Variants in HAO2 observed in about 807,000 individuals in gnomAD.
HAO2 encodes hydroxyacid oxidase 2, also known as 2-Hydroxyacid oxidase 2.
HAO2 carries 42 observed loss-of-function variants against 37.4 expected under a neutral mutation model. The observed-to-expected ratio is 1.12, with a 90% CI of 0.88 to 1.45. The LOEUF (loss-of-function observed/expected upper bound fraction) is 1.45, where lower values mean the gene tolerates loss of function less well. Ranked by LOEUF, HAO2 falls within the 40% of genes most tolerant of loss-of-function variation. The pLI is 0.00. For synonymous variants in HAO2, 180 were observed against 162.8 expected (o/e 1.11, Z -0.81); for missense variants, 476 against 430.2 (o/e 1.11, Z -0.94).
chr1:119,381,181 C>T lies in HAO2; in HGVS notation c.96C>T (p.Ser32=). 6.2e-7 allele frequency: 1 copy of T among 1,610,340 alleles called. No homozygotes were observed. The change falls in exon 2 of 8, where the codon AGC becomes AGT. Residue 32 remains serine, a synonymous_variant. Transcript: ENST00000325945. ...TTATTGAAGGTGGAGCAGATGACAG[C>T]ATCACGCGGGATGACAACATTGCAG... ...RDFIEGGADD[S]ITRDDNIAAF...
At chr1:119,389,003 C>A (rs1650606396) in intron 5 of HAO2, among the ~76,000 whole-genome samples, 3 of 149,914 alleles carry the variant, frequency 2.0e-5, no homozygotes, top group Middle Eastern at 3.4e-3. Flanking sequence ...TTAGCTCCCA[C>A]TTATGAGTGA....
intron 1 of HAO2, among the ~76,000 whole-genome samples, chr1:119,375,107 T>G (rs1157681522): frequency 1.3e-5 from 2 of 152,174 alleles, no homozygotes; most frequent in Non-Finnish European, 2.9e-5. Flanking sequence ...CCTCTGTCTC[T>G]TCTTCTTGGG....
intron 4 of HAO2, chr1:119,386,030 GA>G: frequency 3.1e-6 from 1 of 319,538 alleles, no homozygotes; most frequent in Non-Finnish European, 4.5e-6. Context: ...TTTTAAAGTA[GA>G]AACTTTGTCT....
chr1:119,392,273 G>A lies in HAO2; in HGVS notation c.930+5G>A. ...CTATGGGGCCTTGCCTGCAAGGTGA[G>A]AGTGGCAAAGCAAACCAGCAAGAAG... On this transcript the variant is annotated splice_donor_5th_base_variant and intron_variant, in intron 6 of 7. Transcript: ENST00000325945. 1 of 1,603,868 alleles carries A rather than the reference G, an allele frequency of 6.2e-7. No individual in the cohort carries two copies. The highest frequency in any genetic ancestry group is 1.8e-4 in the Middle Eastern group (1 of 5,580).
At chr1:119,373,463 T>C (rs1219162104) in intron 1 of HAO2, among the ~76,000 whole-genome samples, 1 of 152,152 alleles carries the variant, frequency 6.6e-6, no homozygotes, top group African/African-American at 2.4e-5. Flanking sequence ...CTTGTGCACA[T>C]CTCTCTGTCT....
chr1:119,380,690 C>G, intron 1 of HAO2: 1 of 1,600,910 alleles, frequency 6.2e-7, no homozygotes, highest in Non-Finnish European at 8.6e-7. Flanking sequence ...TCCCAGGAAG[C>G]TGATGGAAGA....
chr1:119,390,488 G>A (rs1193662183), intron 5 of HAO2, among the ~76,000 whole-genome samples: 6 of 152,022 alleles, frequency 3.9e-5, no homozygotes, highest in African/African-American at 1.2e-4. Flanking sequence ...ACCTCAGGTG[G>A]TTCACCCGCC....
In HAO2 at chr1:119,381,161, G is replaced by GA. The variant is rs752893470; in HGVS notation, c.78dup (p.Gly27ArgfsTer5). On this transcript the variant is annotated frameshift_variant, in exon 2 of 8. Transcript: ENST00000325945. LOFTEE classifies it high-confidence loss of function. ...GTCTAAGTCAACTCGGGATTTTATT[G>GA]AAGGTGGAGCAGATGACAGCATCAC... 1 of 1,610,664 alleles carries GA rather than the reference G, an allele frequency of 6.2e-7. No homozygotes were observed. The highest frequency in any genetic ancestry group is 2.2e-5 in the East Asian group (1 of 44,860).
chr1:119,373,026 C>T (rs1428796156), intron 1 of HAO2, among the ~76,000 whole-genome samples: 1 of 152,174 alleles, frequency 6.6e-6, no homozygotes, highest in African/African-American at 2.4e-5. Flanking sequence ...TGTATATTTT[C>T]TCAAATGAGG....
At chr1:119,369,487 A>G (rs1175408123) in intron 1 of HAO2, among the ~76,000 whole-genome samples, 3 of 152,210 alleles carry the variant, frequency 2.0e-5, no homozygotes, top group African/African-American at 7.2e-5. Context: ...GAAGACAGGG[A>G]GGTACTGGTA....
At chr1:119,388,651 T>G (rs1027341282) in intron 5 of HAO2, among the ~76,000 whole-genome samples, 1 of 152,194 alleles carries the variant, frequency 6.6e-6, no homozygotes, top group African/African-American at 2.4e-5. Flanking sequence ...CCTGCCTCAC[T>G]TGCCTCACCT....
At chr1:119,375,432 T>C (rs1649372858) in intron 1 of HAO2, among the ~76,000 whole-genome samples, 2 of 152,014 alleles carry the variant, frequency 1.3e-5, no homozygotes, top group Non-Finnish European at 2.9e-5. Context: ...ATATATTATA[T>C]TAAAAATATA....
At chr1:119,380,769 T>C (rs1390772877) in intron 1 of HAO2, 1 of 1,232,384 alleles carries the variant, frequency 8.1e-7, no homozygotes, top group Non-Finnish European at 1.2e-6. Flanking sequence ...TTTTAAGAAG[T>C]GGTGGGGCCT....
intron 4 of HAO2, chr1:119,385,763 G>A: frequency 1.0e-6 from 1 of 985,346 alleles, no homozygotes; most frequent in East Asian, 1.1e-4. Flanking sequence ...GTGGGCAACT[G>A]TGACACCAAG....
chr1:119,379,401 G>A (rs190227236), intron 1 of HAO2, among the ~76,000 whole-genome samples: 32 of 152,228 alleles, frequency 2.1e-4, no homozygotes, highest in Middle Eastern at 3.4e-3. Flanking sequence ...CACCAACCAA[G>A]GTCCAATATT....
chr1:119,389,774 CA>C (rs1299095878), intron 5 of HAO2, among the ~76,000 whole-genome samples: 1 of 152,020 alleles, frequency 6.6e-6, no homozygotes, highest in Non-Finnish European at 1.5e-5. Flanking sequence ...CTCTGCCATA[CA>C]AAAGCTCCTT....
At chr1:119,390,997 A>G (rs1316935703) in intron 5 of HAO2, among the ~76,000 whole-genome samples, 1 of 152,160 alleles carries the variant, frequency 6.6e-6, no homozygotes, top group Non-Finnish European at 1.5e-5. Flanking sequence ...AAATACTCCA[A>G]ATAATACCAT....
chr1:119,380,832 C>A (rs1271809861), intron 1 of HAO2: 1 of 754,798 alleles, frequency 1.3e-6, no homozygotes, highest in Non-Finnish European at 2.3e-6. Flanking sequence ...ATAAGAAATA[C>A]TCAGAAGGCC....
chr1:119,371,601 C>T (rs1477549249), intron 1 of HAO2, among the ~76,000 whole-genome samples: 4 of 152,108 alleles, frequency 2.6e-5, no homozygotes, highest in African/African-American at 9.7e-5. Flanking sequence ...AAGAGCCAGG[C>T]CACTGGAATC....
Sources: gnomAD v4.1 joint callset for allele counts (sites outside exome capture counted in the v4.1 genomes callset) on GRCh38, gnomAD v4.1.1 for gene constraint, MANE v1.5 for transcripts, NCBI Gene and HGNC (gene_info 2026-07-23, HGNC 2026-07-21) for gene names.